Variants in TTC31 observed in about 807,000 individuals in gnomAD.
TTC31 encodes the protein tetratricopeptide repeat domain 31, also known as tetratricopeptide repeat protein 31.
Under a neutral mutation model 60.4 loss-of-function variants are expected in TTC31, and 59 were observed. The ratio of observed to expected loss-of-function variants is 0.98; its 90% CI spans 0.79 to 1.21. TTC31 has a LOEUF of 1.21. Among genes scored for constraint, TTC31 ranks in the 50% most tolerant of loss-of-function variants. The pLI is 0.00. For missense variants in TTC31, 672 were observed against 646.9 expected (o/e 1.04, Z -0.42); for synonymous variants, 225 against 249.6 (o/e 0.90, Z 0.93).
intron 5 of TTC31, 40 bp downstream of exon 5, chr2:74,490,779 G>C (rs762796685): frequency 3.2e-6 from 5 of 1,578,996 alleles, no homozygotes; most frequent in South Asian, 1.1e-5. Context: ...GGAGCCAAAG[G>C]GATTTGGGAG....
chr2:74,490,754 GC>G lies in TTC31; in HGVS notation c.546+16del. On this transcript the variant is annotated intron_variant, in intron 5 of 12. Transcript: ENST00000233623. Reference sequence around the variant, plus strand: ...TCAAGAAGAAGGTGGCTAGAGCATGGCTGGAGGGTGCAGGGGAGCCAAAGGG... The same window carrying G: ...TCAAGAAGAAGGTGGCTAGAGCATGGTGGAGGGTGCAGGGGAGCCAAAGGG... The G allele has an allele frequency of 3.1e-6, 5 of 1,608,626 alleles. No individual in the cohort carries two copies. In the South Asian group the frequency reaches 4.4e-5, roughly 14 times the overall value.
chr2:74,492,372 A>G lies in TTC31; in HGVS notation c.1088A>G (p.Gln363Arg), dbSNP rs371770447. The G allele has an allele frequency of 9.7e-6, 15 of 1,547,444 alleles. No homozygotes were observed. The African/African-American group carries it at 1.5e-4, about 16-fold the overall frequency. Residue 363 changes from glutamine to arginine, a missense_variant, in exon 11 of 13, where the codon CAG becomes CGG. Coordinates refer to ENST00000233623, the MANE Select transcript of TTC31 (RefSeq NM_022492.6). ...CCAGCGTGGGCCCTGGCTGATGCCC[A>G]GGTGGCCCTTACCCTACGGCCTGGC... ...GQPAWALADA[Q>R]VALTLRPGWP...
In TTC31 at chr2:74,493,243, A is replaced by G; in HGVS notation, c.*25A>G. On this transcript the variant is annotated 3_prime_UTR_variant, in exon 13 of 13. Transcript: ENST00000233623. ...AGGGGGCACCGGTCCCTCATAGGGCAGGGCCATGTATATATCCCTTGGTGG... is the reference window on the plus strand; with the variant it reads ...AGGGGGCACCGGTCCCTCATAGGGCGGGGCCATGTATATATCCCTTGGTGG... The G allele has an allele frequency of 6.2e-7, 1 of 1,611,282 alleles. No individual in the cohort carries two copies. Among genetic ancestry groups the G allele is most frequent in the Non-Finnish European group, 8.5e-7 (1 of 1,178,118 alleles).
In TTC31 at chr2:74,492,303, G is replaced by C; in HGVS notation, c.1020-1G>C. ...CTTTGGCCACCTTCTGTCTTTATCA[G>C]GTTATTTGGAAATCGTTCCTTCTGC... On this transcript the variant is annotated splice_acceptor_variant, in intron 10 of 12. Coordinates refer to ENST00000233623, the MANE Select transcript of TTC31 (RefSeq NM_022492.6). LOFTEE classifies it high-confidence loss of function. 6.3e-7 allele frequency: 1 copy of C among 1,597,294 alleles called. No individual in the cohort carries two copies.
In TTC31 at chr2:74,492,006, A is replaced by G; in HGVS notation, c.879A>G (p.Ala293=). ...ERPQQSPKVQ[A]SPGLLAAALQ... is the part of the protein sequence containing the mutation. Reference sequence around the variant, plus strand: ...TTGACTTTGCACCCTATCCCCAGGCATCTCCGGGACTGCTGGCAGCTGCCT... The same window carrying G: ...TTGACTTTGCACCCTATCCCCAGGCGTCTCCGGGACTGCTGGCAGCTGCCT... Residue 293 remains alanine, a splice_region_variant and synonymous_variant, in exon 9 of 13, where the codon GCA becomes GCG. Transcript: ENST00000233623. The G allele has an allele frequency of 1.2e-6, 2 of 1,614,222 alleles. No homozygotes were observed. The highest frequency in any genetic ancestry group is 1.7e-5 in the Admixed American group (1 of 60,032).
At chr2:74,488,819 C>T (rs1251194754) in intron 2 of TTC31, among the ~76,000 whole-genome samples, 1 of 152,176 alleles carries the variant, frequency 6.6e-6, no homozygotes, top group East Asian at 1.9e-4. Flanking sequence ...AATCCCAGCA[C>T]TTTGGGAGGC....
intron 12 of TTC31, 34 bp downstream of exon 12, chr2:74,492,781 G>C: frequency 1.9e-6 from 3 of 1,607,250 alleles, no homozygotes; most frequent in Non-Finnish European, 2.6e-6. Flanking sequence ...ATGCTGAGGC[G>C]GGTATCAGGG....
At chr2:74,491,801 C>G in intron 8 of TTC31, 129 bp downstream of exon 8, 1 of 1,396,400 alleles carries the variant, frequency 7.2e-7, no homozygotes, top group Non-Finnish European at 9.9e-7. Context: ...GTCAAGAGAC[C>G]TACAGTCAGG....
At chr2:74,488,140 A>G (rs1187644859) in intron 2 of TTC31, among the ~76,000 whole-genome samples, 1 of 152,164 alleles carries the variant, frequency 6.6e-6, no homozygotes, top group East Asian at 1.9e-4. Flanking sequence ...CACCTGGCTC[A>G]TTATTTATGC....
chr2:74,484,222 G>C (rs1672817658), intron 2 of TTC31, among the ~76,000 whole-genome samples: 3 of 151,936 alleles, frequency 2.0e-5, no homozygotes, highest in African/African-American at 7.2e-5. Flanking sequence ...GGGCAACAGA[G>C]GGAGACTCCA....
Position 74,490,752 on chromosome 2 carries a change from T to C in TTC31, c.546+13T>C. 4 of 1,609,896 alleles carry C rather than the reference T, an allele frequency of 2.5e-6. No individual in the cohort carries two copies. Among genetic ancestry groups the C allele is most frequent in the Middle Eastern group, 1.7e-4 (1 of 6,026 alleles). ...ACTCAAGAAGAAGGTGGCTAGAGCATGGCTGGAGGGTGCAGGGGAGCCAAA... is the reference window on the plus strand; with the variant it reads ...ACTCAAGAAGAAGGTGGCTAGAGCACGGCTGGAGGGTGCAGGGGAGCCAAA... On this transcript the variant is annotated intron_variant, in intron 5 of 12. Transcript: ENST00000233623.
At chr2:74,484,441 T>G (rs17009975) in intron 2 of TTC31, among the ~76,000 whole-genome samples, 10,233 of 151,798 alleles carry the variant, frequency 0.067, 1,140 homozygotes, top group African/African-American at 0.23. Flanking sequence ...TGTTCTCAAG[T>G]AGGCAACAGA....
Position 74,493,411 on chromosome 2 carries a change from C to G in TTC31, c.*193C>G, listed in dbSNP as rs1452713969. The G allele has an allele frequency of 1.7e-6, 1 of 596,852 alleles. No homozygotes were observed. The highest frequency in any genetic ancestry group is 2.8e-6 in the Non-Finnish European group (1 of 353,398). 37.0% of individuals were successfully genotyped at this position (596,852 alleles called of 1,614,324 possible). Reference sequence around the variant, plus strand: ...GGAGCCCCACATCCACTGAAACATCCTTTGGTTCTCAAGCTTCTTCTGGAG... The same window carrying G: ...GGAGCCCCACATCCACTGAAACATCGTTTGGTTCTCAAGCTTCTTCTGGAG... On this transcript the variant is annotated 3_prime_UTR_variant, in exon 13 of 13. Coordinates refer to ENST00000233623, the MANE Select transcript of TTC31 (RefSeq NM_022492.6).
chr2:74,492,486 G>C, intron 11 of TTC31, 41 bp downstream of exon 11: 1 of 1,526,614 alleles, frequency 6.6e-7, no homozygotes, highest in Non-Finnish European at 8.8e-7. Flanking sequence ...ATTTGAGTGG[G>C]ATGGAGTGGG....
chr2:74,488,954 G>A (rs1056484016), intron 2 of TTC31, among the ~76,000 whole-genome samples: 3 of 152,152 alleles, frequency 2.0e-5, no homozygotes, highest in East Asian at 3.8e-4. Flanking sequence ...TACTTGGGAG[G>A]GTGAGGCAGG....
chr2:74,491,612 G>T lies in TTC31; in HGVS notation c.816G>T (p.Met272Ile). The T allele has an allele frequency of 1.9e-6, 3 of 1,614,218 alleles. No homozygotes were observed. Among genetic ancestry groups the T allele is most frequent in the Non-Finnish European group, 2.5e-6 (3 of 1,180,030 alleles). Residue 272 changes from methionine to isoleucine, a missense_variant, in exon 8 of 13, where the codon ATG becomes ATT. Met to Ile is a conservative substitution (Grantham distance 10). Transcript: ENST00000233623. Reference protein sequence around the residue: ...PQGRGLALQKMGQEEESPPRE... With the variant: ...PQGRGLALQKIGQEEESPPRE... ...GCAGGGGTCTGGCCCTCCAGAAGATGGGTCAAGAGGAAGAGAGCCCTCCAA... is the reference window on the plus strand; with the variant it reads ...GCAGGGGTCTGGCCCTCCAGAAGATTGGTCAAGAGGAAGAGAGCCCTCCAA...
chr2:74,486,466 TAGG>T (rs1361273723), intron 2 of TTC31, among the ~76,000 whole-genome samples: 1 of 152,002 alleles, frequency 6.6e-6, no homozygotes, highest in Non-Finnish European at 1.5e-5. Flanking sequence ...TTCAACAAAT[TAGG>T]AGCATCTAAT....
In TTC31 at chr2:74,492,977, C is replaced by A; in HGVS notation, c.1319C>A (p.Pro440Gln). Residue 440 changes from proline (P) to glutamine (Q), a missense_variant, in exon 13 of 13, where the codon CCA (proline) becomes CAA (glutamine). Coordinates refer to ENST00000233623, the MANE Select transcript of TTC31 (RefSeq NM_022492.6). ...CCTCTGTCACCTGGGGCCCTCCAGC[C>A]ACTTCCCCATGCTGAGCTGGCACCC... ...APPLSPGALQ[P>Q]LPHAELAPSG... 6.2e-7 allele frequency: 1 copy of A among 1,613,896 alleles called. No individual in the cohort carries two copies. Among genetic ancestry groups the A allele is most frequent in the East Asian group, 2.2e-5 (1 of 44,880 alleles).
Position 74,492,328 on chromosome 2 carries a change from C to T in TTC31, c.1044C>T (p.Cys348=), listed in dbSNP as rs374655657. Residue 348 remains cysteine (C), a synonymous_variant, in exon 11 of 13, where the codon TGC becomes TGT. Transcript: ENST00000233623. ...GGTTATTTGGAAATCGTTCCTTCTG[C>T]CATGAGCGGTTGGGTCAGCCAGCGT... is the stretch of plus-strand genomic sequence containing the variant. ...DHRLFGNRSF[C]HERLGQPAWA... is the part of the protein sequence containing the mutation. The T allele has an allele frequency of 1.6e-4, 247 of 1,583,446 alleles. No individual in the cohort carries two copies. Among genetic ancestry groups the T allele is most frequent in the Non-Finnish European group, 2.0e-4 (228 of 1,160,886 alleles).
Sources: allele counts gnomAD v4.1 joint callset (sites outside exome capture counted in the v4.1 genomes callset), GRCh38; gene constraint gnomAD v4.1.1; transcripts MANE v1.5; gene names NCBI Gene and HGNC (gene_info 2026-07-23, HGNC 2026-07-21).